The following LIPC variants were observed in gnomAD, a reference collection of about 807,000 sequenced individuals.
LIPC encodes the protein hepatic triacylglycerol lipase.
Under a neutral mutation model 50.7 loss-of-function variants are expected in LIPC, and 44 were observed. That is an observed-to-expected ratio of 0.87 (90% CI 0.68 to 1.11). The LOEUF (loss-of-function observed/expected upper bound fraction) is 1.11. Ranked by LOEUF, LIPC falls within the 50% of genes most tolerant of loss-of-function variation. The pLI is 0.00. For synonymous variants in LIPC, 271 were observed against 256.4 expected, an observed-to-expected ratio of 1.06 and a Z score of -0.54; for missense variants, 697 against 648.2, an observed-to-expected ratio of 1.08 and a Z score of -0.82.
intron 7 of LIPC, among the ~76,000 whole-genome samples, chr15:58,563,292 G>C (rs185733492): frequency 5.4e-4 from 82 of 152,296 alleles, no homozygotes; most frequent in African/African-American, 1.9e-3. Flanking sequence ...CCAGAAAATA[G>C]TATAGTTTTC....
chr15:58,515,533 C>CACATATAT (rs147594972), intron 1 of LIPC, among the ~76,000 whole-genome samples: 22,624 of 141,356 alleles, frequency 0.16, 2,184 homozygotes, highest in South Asian at 0.34. Context: ...TATACACACA[C>CACATATAT]ATATATATAT....
chr15:58,450,308 C>A (rs370365976), intron 1 of LIPC, among the ~76,000 whole-genome samples: 2 of 152,204 alleles, frequency 1.3e-5, no homozygotes, highest in East Asian at 3.8e-4. Flanking sequence ...CTCTAGAGCT[C>A]CTGATTCAAT....
intron 1 of LIPC, among the ~76,000 whole-genome samples, chr15:58,502,866 AG>A (rs1426879652): frequency 6.6e-6 from 1 of 151,362 alleles, no homozygotes; most frequent in African/African-American, 2.4e-5. Flanking sequence ...AAGGATGAAG[AG>A]GACATGGTTA....
chr15:58,462,077 A>G (rs1894371241), intron 1 of LIPC, among the ~76,000 whole-genome samples: 2 of 152,164 alleles, frequency 1.3e-5, no homozygotes, highest in Admixed American at 6.5e-5. Context: ...CTCTGTGTCC[A>G]AGTGAGGCCC....
In LIPC at chr15:58,520,654, G is replaced by T. The variant is rs1892627146; in HGVS notation, c.89-17679G>T. Among the ~76,000 whole-genome samples the T allele has an allele frequency of 3.3e-5, 5 of 152,312 alleles. No homozygotes were observed. The South Asian group carries it at 1.0e-3, about 32-fold the overall frequency. On this transcript the variant is annotated intron_variant, in intron 1 of 8. Coordinates refer to ENST00000299022, the MANE Select transcript of LIPC (RefSeq NM_000236.3). ...GAAATACGGAGGGCGGGGGCAGCTT[G>T]CTTCAAAGTAATTGAGGTTGAGAGC... is the stretch of plus-strand genomic sequence containing the variant.
At chr15:58,482,022 G>A (rs1429732007) in intron 1 of LIPC, among the ~76,000 whole-genome samples, 1 of 152,172 alleles carries the variant, frequency 6.6e-6, no homozygotes, top group African/African-American at 2.4e-5. Context: ...AGAAGCAGGA[G>A]GAGACTTGTC....
chr15:58,449,792 G>A (rs1429150361), intron 1 of LIPC, among the ~76,000 whole-genome samples: 7 of 152,220 alleles, frequency 4.6e-5, no homozygotes, highest in South Asian at 2.1e-4. Flanking sequence ...CCCCCTCCTC[G>A]GACTCCCAAA....
chr15:58,567,208 AT>A (rs1473275942), intron 8 of LIPC, among the ~76,000 whole-genome samples: 3,006 of 113,356 alleles, frequency 0.027, 158 homozygotes, highest in South Asian at 0.054. Context: ...CTCAAAAAAA[AT>A]AAAAAATATA....
At chr15:58,446,919 A>G (rs1393150373) in intron 1 of LIPC, among the ~76,000 whole-genome samples, 4 of 152,054 alleles carry the variant, frequency 2.6e-5, no homozygotes, top group African/African-American at 9.7e-5. Flanking sequence ...GGCCAGAGGC[A>G]GGCAGATCAC....
intron 1 of LIPC, among the ~76,000 whole-genome samples, chr15:58,488,861 C>T (rs1891468487): frequency 6.6e-6 from 1 of 152,146 alleles, no homozygotes; most frequent in Non-Finnish European, 1.5e-5. Flanking sequence ...TTCCCTATTA[C>T]ATCTCAGGAT....
intron 1 of LIPC, among the ~76,000 whole-genome samples, chr15:58,467,292 C>T (rs1038373487): frequency 6.6e-6 from 1 of 152,194 alleles, no homozygotes; most frequent in Non-Finnish European, 1.5e-5. Context: ...ACGTGCATGT[C>T]TCTCAGGGGC....
At chr15:58,552,612 G>A (rs1259813357) in intron 6 of LIPC, among the ~76,000 whole-genome samples, 2 of 152,188 alleles carry the variant, frequency 1.3e-5, no homozygotes, top group Non-Finnish European at 1.5e-5. Flanking sequence ...TCTGCTGCTC[G>A]CCGCAGCCAT....
At chr15:58,498,347 G>A (rs1281478055) in intron 1 of LIPC, among the ~76,000 whole-genome samples, 2 of 152,132 alleles carry the variant, frequency 1.3e-5, no homozygotes, top group Admixed American at 6.6e-5. Flanking sequence ...TGGTGATGTT[G>A]CCGCTGCTGG....
At chr15:58,538,809 A>G (rs113253789) in intron 2 of LIPC, among the ~76,000 whole-genome samples, 24 of 152,320 alleles carry the variant, frequency 1.6e-4, no homozygotes, top group African/African-American at 5.5e-4. Context: ...CAGTCCGTGC[A>G]GGAAGAAGCC....
At chr15:58,481,632 A>T (rs1289720231) in intron 1 of LIPC, among the ~76,000 whole-genome samples, 1 of 150,360 alleles carries the variant, frequency 6.7e-6, no homozygotes, top group African/African-American at 2.4e-5. Context: ...GCGAAACCCC[A>T]TCTCTTCTAA....
At chr15:58,563,948 C>T (rs1023970490) in intron 8 of LIPC, 13 of 565,782 alleles carry the variant, frequency 2.3e-5, no homozygotes, top group Middle Eastern at 4.8e-4. Flanking sequence ...CAGGGTCTCC[C>T]CACTGCCCGT....
intron 1 of LIPC, among the ~76,000 whole-genome samples, chr15:58,443,003 G>A (rs1373283656): frequency 3.3e-5 from 5 of 152,174 alleles, no homozygotes; most frequent in African/African-American, 1.2e-4. Flanking sequence ...ATCCCCGCTT[G>A]CAGGGTTCAA....
At chr15:58,492,457 T>A (rs1396935980) in intron 1 of LIPC, among the ~76,000 whole-genome samples, 1 of 152,208 alleles carries the variant, frequency 6.6e-6, no homozygotes. Flanking sequence ...CTAAGCATTC[T>A]CCTACTCTAA....
intron 1 of LIPC, among the ~76,000 whole-genome samples, chr15:58,477,774 T>C (rs572391857): frequency 8.7e-4 from 133 of 152,210 alleles, no homozygotes; most frequent in African/African-American, 3.0e-3. Context: ...ATTTCATTTA[T>C]AGGATAAAAT....
Sources: allele counts gnomAD v4.1 joint callset (sites outside exome capture counted in the v4.1 genomes callset), GRCh38; gene constraint gnomAD v4.1.1; transcripts MANE v1.5; gene names NCBI Gene and HGNC (gene_info 2026-07-23, HGNC 2026-07-21).